Variants in PIN1 observed in about 807,000 individuals in gnomAD.
PIN1 encodes peptidyl-prolyl cis-trans isomerase NIMA-interacting 1.
A neutral mutation model predicts 19.9 loss-of-function variants in PIN1; 8 were observed. The observed-to-expected ratio is 0.40, with a 90% confidence interval of 0.24 to 0.72. The LOEUF (loss-of-function observed/expected upper bound fraction) is 0.72, where lower values mean the gene tolerates loss of function less well. Among genes scored for constraint, PIN1 ranks in the 30% least tolerant of loss-of-function variants. The pLI is 0.37. For missense variants in PIN1, 185 were observed against 226.5 expected (o/e 0.82, Z 1.18); for synonymous variants, 86 against 90.8 (o/e 0.95, Z 0.30).
chr19:9,848,222 C>T (rs918606746), intron 3 of PIN1, 82 bp downstream of exon 3: 3 of 813,864 alleles, frequency 3.7e-6, no homozygotes, highest in Admixed American at 1.9e-5. Context: ...GGGCATTGGG[C>T]TCCCAGGTGC....
rs145566005 is a variant in PIN1, at chr19:9,838,360, C to T, written c.59-76C>T. 8.2e-7 allele frequency: 1 copy of T among 1,216,948 alleles called. No individual in the cohort carries two copies. The highest frequency in any genetic ancestry group is 1.5e-5 in the African/African-American group (1 of 66,668). The allele number at this position is 1,216,948 out of a possible 1,614,324, so 75.4% of individuals were successfully genotyped here. On this transcript the variant is annotated intron_variant, in intron 1 of 3. Coordinates refer to ENST00000247970, the MANE Select transcript of PIN1 (RefSeq NM_006221.4). The surrounding 1 kb of genome is among the most constrained non-coding windows in gnomAD (Gnocchi z 5.8). ...GCCCCCTGCAAGCCAGGCCCTCACCCTGGCTTCTGGCTGTGGGCCCAGGGG... is the reference window on the plus strand; with the variant it reads ...GCCCCCTGCAAGCCAGGCCCTCACCTTGGCTTCTGGCTGTGGGCCCAGGGG...
intron 2 of PIN1, among the ~76,000 whole-genome samples, chr19:9,842,742 C>T (rs541683824): frequency 1.3e-5 from 2 of 152,356 alleles, no homozygotes; most frequent in African/African-American, 4.8e-5. Flanking sequence ...AACAGATCAT[C>T]ATGTGCAGTG....
At position 9,840,104 on chromosome 19, in the gene PIN1, C is replaced by T. The variant is rs372342338; in HGVS notation, c.271+1456C>T. ...AGCGGGAATATAAAACATTTACATTCTTGGCCGGGCGCGGTGGCTCACGTC... is the reference window on the plus strand; with the variant it reads ...AGCGGGAATATAAAACATTTACATTTTTGGCCGGGCGCGGTGGCTCACGTC... On this transcript the variant is annotated intron_variant, in intron 2 of 3. Coordinates refer to ENST00000247970, the MANE Select transcript of PIN1 (RefSeq NM_006221.4). 7.2e-4 allele frequency among the ~76,000 whole-genome samples: 110 copies of T among 152,312 alleles called. 1 individual carries two copies. In the South Asian group the frequency reaches 0.022, roughly 31 times the overall value.
In PIN1 at chr19:9,838,229, A is replaced by G. The variant is rs2046129293; in HGVS notation, c.59-207A>G. 1.6e-6 allele frequency: 1 copy of G among 634,254 alleles called. No homozygotes were observed. The highest frequency in any genetic ancestry group is 1.8e-5 in the South Asian group (1 of 55,744). 39.3% of individuals were successfully genotyped at this position (634,254 alleles called of 1,614,324 possible). On this transcript the variant is annotated intron_variant, in intron 1 of 3. Transcript: ENST00000247970. The surrounding 1 kb of genome is among the most constrained non-coding windows in gnomAD (Gnocchi z 5.8). ...GTTTAGCACCTGTCTGCTCTCACCT[A>G]GAATGTTAGCTCTCTAAGGGCAGGG...
Position 9,836,768 on chromosome 19 carries a change from G to A in PIN1, c.58+1366G>A, listed in dbSNP as rs768901379. ...TGTAGTAGCTAAGAGCAGAGCTTTC[G>A]GGTGTGAAGTACCTGAGTACAGTTC... On this transcript the variant is annotated intron_variant, in intron 1 of 3. Transcript: ENST00000247970. 3 of 1,171,762 alleles carry A rather than the reference G, an allele frequency of 2.6e-6. No homozygotes were observed. The South Asian group carries it at 3.8e-5, about 15-fold the overall frequency. 72.6% of individuals were successfully genotyped at this position (1,171,762 alleles called of 1,614,324 possible).
At position 9,849,126 on chromosome 19, in the gene PIN1, C is replaced by T. The variant is rs756028471; in HGVS notation, c.419C>T (p.Ala140Val). 2 of 1,613,682 alleles carry T rather than the reference C, an allele frequency of 1.2e-6. No individual in the cohort carries two copies. The highest frequency in any genetic ancestry group is 1.7e-5 in the Admixed American group (1 of 59,996). The change falls in exon 4 of 4, where the codon GCG (alanine) becomes GTG (valine). Residue 140 changes from alanine (A) to valine (V), a missense_variant. Coordinates refer to ENST00000247970, the MANE Select transcript of PIN1 (RefSeq NM_006221.4). Reference protein sequence around the residue: ...MQKPFEDASFALRTGEMSGPV... With the variant: ...MQKPFEDASFVLRTGEMSGPV... ...AAGCCATTTGAAGACGCCTCGTTTG[C>T]GCTGCGGACGGGGGAGATGAGCGGG...
intron 2 of PIN1, 62 bp from the exon 3 acceptor site, chr19:9,847,968 C>T (rs1480869745): frequency 5.8e-6 from 6 of 1,032,778 alleles, no homozygotes; most frequent in Non-Finnish European, 9.2e-6. Context: ...GTCCTCCATC[C>T]TGTCTGGTCA....
In PIN1 at chr19:9,838,123, G is replaced by C. The variant is rs1463694104; in HGVS notation, c.59-313G>C. ...GGTTTGAGTCACTCCCTGTCCCCCAGCTTCCTCTGTTCCATCACTCTGGGT... is the reference window on the plus strand; with the variant it reads ...GGTTTGAGTCACTCCCTGTCCCCCACCTTCCTCTGTTCCATCACTCTGGGT... On this transcript the variant is annotated intron_variant, in intron 1 of 3. Coordinates refer to ENST00000247970, the MANE Select transcript of PIN1 (RefSeq NM_006221.4). The surrounding 1 kb of genome is among the most constrained non-coding windows in gnomAD (Gnocchi z 5.8). 7.0e-6 allele frequency: 3 copies of C among 426,458 alleles called. No homozygotes were observed. The highest frequency in any genetic ancestry group is 1.3e-5 in the Non-Finnish European group (3 of 227,396). The allele number at this position is 426,458 out of a possible 1,614,324, so 26.4% of individuals were successfully genotyped here. A position where few individuals can be genotyped will look rare whatever the true frequency, so the allele number is the denominator to read the frequency against.
Position 9,846,314 on chromosome 19 carries a change from C to T in PIN1, c.272-1716C>T, listed in dbSNP as rs576883494. 4.3e-4 allele frequency among the ~76,000 whole-genome samples: 65 copies of T among 152,244 alleles called. 2 individuals are homozygous for T. The South Asian group carries it at 0.012, about 29-fold the overall frequency. The stretch of plus-strand genomic sequence containing the variant: ...AGGGAGAGCAGAGCAGTAGAGGCTG[C>T]GTCATCCCTGGGATGCAGTCCCCAT... On this transcript the variant is annotated intron_variant, in intron 2 of 3. Coordinates refer to ENST00000247970, the MANE Select transcript of PIN1 (RefSeq NM_006221.4). This position sits in a 1 kb window ranked among gnomAD's most constrained non-coding sequence, Gnocchi z 5.9.
At chr19:9,842,241 T>TTCA (rs2046174756) in intron 2 of PIN1, among the ~76,000 whole-genome samples, 1 of 151,888 alleles carries the variant, frequency 6.6e-6, no homozygotes, top group South Asian at 2.1e-4. Flanking sequence ...TAGAGAGGAC[T>TTCA]GGGTGATGGA....
At chr19:9,835,885 G>A (rs2046098413) in intron 1 of PIN1, 1 of 160,406 alleles carries the variant, frequency 6.2e-6, no homozygotes, top group Non-Finnish European at 1.4e-5. Flanking sequence ...TCTGCCAGAC[G>A]ATGGCCCCTG....
At chr19:9,836,895 A>G (rs766409861) in intron 1 of PIN1, 29 of 1,263,686 alleles carry the variant, frequency 2.3e-5, no homozygotes, top group South Asian at 8.7e-5. Context: ...CCGTTTTGCC[A>G]TCTATACAAT....
At position 9,836,995 on chromosome 19, in the gene PIN1, A is replaced by C. The variant is rs569952125; in HGVS notation, c.59-1441A>C. ...GTGTGAGCTTATTTAGTGCTTTCTT[A>C]TTATTATTTTTGGAGATGGTCTCAC... On this transcript the variant is annotated intron_variant, in intron 1 of 3. Transcript: ENST00000247970. 1.1e-4 allele frequency: 57 copies of C among 518,156 alleles called. 1 individual carries two copies. Among genetic ancestry groups the C allele is most frequent in the South Asian group, 8.0e-4 (52 of 65,140 alleles). The allele number at this position is 518,156 out of a possible 1,614,324, so 32.1% of individuals were successfully genotyped here.
chr19:9,847,692 G>A (rs1198324898), intron 2 of PIN1, among the ~76,000 whole-genome samples: 1 of 117,810 alleles, frequency 8.5e-6, no homozygotes, highest in Non-Finnish European at 2.1e-5. Context: ...CCTCACGTGT[G>A]TGTGTGTGTG....
At chr19:9,844,309 A>G (rs542111595) in intron 2 of PIN1, among the ~76,000 whole-genome samples, 1 of 152,316 alleles carries the variant, frequency 6.6e-6, no homozygotes, top group South Asian at 2.1e-4. Context: ...ACGTGGGAGC[A>G]GCGGTTACCC....
intron 1 of PIN1, chr19:9,837,354 A>C (rs1424797323): frequency 6.3e-6 from 1 of 159,114 alleles, no homozygotes; most frequent in African/African-American, 2.4e-5. Context: ...AGGTTTCACC[A>C]TGTTGGCCAG....
In PIN1 at chr19:9,849,148, CG is replaced by C. The variant is rs1568362514; in HGVS notation, c.444del (p.Val150CysfsTer30). 1 of 1,613,664 alleles carries C rather than the reference CG, an allele frequency of 6.2e-7. No individual in the cohort carries two copies. Among genetic ancestry groups the C allele is most frequent in the Admixed American group, 1.7e-5 (1 of 60,006 alleles). On this transcript the variant is annotated frameshift_variant, in exon 4 of 4. Transcript: ENST00000247970. LOFTEE classifies it high-confidence loss of function. ...TTGCGCTGCGGACGGGGGAGATGAG[CG>C]GGCCCGTGTTCACGGATTCCGGCAT... is the stretch of plus-strand genomic sequence containing the variant. ...SFALRTGEMS[G>X]PVFTDSGIHI...
At position 9,838,162 on chromosome 19, in the gene PIN1, G is replaced by A. The variant is rs1568358355; in HGVS notation, c.59-274G>A. ...ATCACTCTGGGTTATTTTCCTCCTTGAAGTTATCAGGGATTGATACTATCC... is the reference window on the plus strand; with the variant it reads ...ATCACTCTGGGTTATTTTCCTCCTTAAAGTTATCAGGGATTGATACTATCC... On this transcript the variant is annotated intron_variant, in intron 1 of 3. Coordinates refer to ENST00000247970, the MANE Select transcript of PIN1 (RefSeq NM_006221.4). This position sits in a 1 kb window ranked among gnomAD's most constrained non-coding sequence, Gnocchi z 5.8. The A allele has an allele frequency of 2.0e-6, 1 of 512,590 alleles. No individual in the cohort carries two copies. Among genetic ancestry groups the A allele is most frequent in the Non-Finnish European group, 3.6e-6 (1 of 280,606 alleles). The allele number at this position is 512,590 out of a possible 1,614,324, so 31.8% of individuals were successfully genotyped here.
chr19:9,840,270 TC>T (rs2046152291), intron 2 of PIN1, among the ~76,000 whole-genome samples: 1 of 152,036 alleles, frequency 6.6e-6, no homozygotes, highest in South Asian at 2.1e-4. Context: ...GCACCTGTAG[TC>T]CCAGCTACTC....
Sources: allele counts gnomAD v4.1 joint callset (sites outside exome capture counted in the v4.1 genomes callset), GRCh38; gene constraint gnomAD v4.1.1; non-coding constraint Gnocchi (gnomAD v3.1); transcripts MANE v1.5; gene names NCBI Gene and HGNC (gene_info 2026-07-23, HGNC 2026-07-21).